Variants in C2orf74 observed in about 807,000 individuals in gnomAD.
C2orf74 encodes uncharacterized protein C2orf74.
In C2orf74, 14 loss-of-function variants were observed where a neutral mutation model predicts 17.9. The observed-to-expected ratio is 0.78, with a 90% CI of 0.52 to 1.22. The LOEUF (loss-of-function observed/expected upper bound fraction) is 1.22, where lower values mean the gene tolerates loss of function less well. Among genes scored for constraint, C2orf74 ranks in the 50% most tolerant of loss-of-function variants. The pLI is 0.00. For synonymous variants in C2orf74, 79 were observed against 72.6 expected (o/e 1.09, Z -0.44); for missense variants, 217 against 218.4 (o/e 0.99, Z 0.04).
chr2:61,146,765 G>A (rs1487899985), intron 1 of C2orf74, among the ~76,000 whole-genome samples: 2 of 152,098 alleles, frequency 1.3e-5, no homozygotes, highest in African/African-American at 2.4e-5. Flanking sequence ...CTTGAACCAG[G>A]GAGTCGGAGG....
chr2:61,158,061 TG>T (rs1399549812), upstream of C2orf74: 6 of 465,836 alleles, frequency 1.3e-5, no homozygotes, highest in African/African-American at 1.2e-4. Context: ...AGGCAATATC[TG>T]ACCCCAACAT....
Position 61,164,593 on chromosome 2 carries a change from C to A in C2orf74, c.*66C>A. On this transcript the variant is annotated 3_prime_UTR_variant, in exon 5 of 5. Transcript: ENST00000432605. ...GACTAACGTTGAAAGACTGAGGGTA[C>A]AAAATCATGTTGAAACAACAAAACA... 8.1e-7 allele frequency: 1 copy of A among 1,234,844 alleles called. No individual in the cohort carries two copies. Among genetic ancestry groups the A allele is most frequent in the African/African-American group, 1.6e-5 (1 of 64,228 alleles). 76.5% of individuals were successfully genotyped at this position (1,234,844 alleles called of 1,614,324 possible).
At chr2:61,159,024 G>A (rs536452301), upstream of C2orf74, among the ~76,000 whole-genome samples, 3 of 152,050 alleles carry the variant, frequency 2.0e-5, no homozygotes, top group East Asian at 1.9e-4. Context: ...TTGAGACGGG[G>A]TCTCACTCTG....
chr2:61,151,172 C>G (rs1685216685), intron 1 of C2orf74, among the ~76,000 whole-genome samples: 1 of 151,350 alleles, frequency 6.6e-6, no homozygotes, highest in Non-Finnish European at 1.5e-5. Flanking sequence ...AATCATTAGC[C>G]AGGTGTGATG....
chr2:61,161,608 T>C (rs980469030), upstream of C2orf74: 1 of 152,254 alleles, frequency 6.6e-6, no homozygotes, highest in Non-Finnish European at 1.5e-5. Context: ...GTAATCCTTT[T>C]AATATGTTGC....
chr2:61,163,333 GGC>G, intron 4 of C2orf74, 101 bp downstream of exon 4: 1 of 1,309,376 alleles, frequency 7.6e-7, no homozygotes, highest in Non-Finnish European at 1.0e-6. Context: ...TGGAGGACCG[GGC>G]GGGTGGCTCA....
In C2orf74 at chr2:61,164,499, A is replaced by G. The variant is rs750934596; in HGVS notation, c.536A>G (p.Tyr179Cys). 6.5e-6 allele frequency: 10 copies of G among 1,543,520 alleles called. No individual in the cohort carries two copies. Among genetic ancestry groups the G allele is most frequent in the Non-Finnish European group, 2.6e-6 (3 of 1,144,252 alleles). The change falls in exon 5 of 5, where the codon TAT becomes TGT. Residue 179 changes from tyrosine (Y) to cysteine (C), a missense_variant. Transcript: ENST00000432605. ...LGNEYPTPRS[Y>C]TREHKERK ...AATGAATACCCTACACCTCGAAGCT[A>G]TACTCGAGAACATAAAGAGAGGAAA...
intron 1 of C2orf74, among the ~76,000 whole-genome samples, chr2:61,157,044 C>A (rs995782739): frequency 6.6e-6 from 1 of 152,060 alleles, no homozygotes; most frequent in Non-Finnish European, 1.5e-5. Flanking sequence ...ATTGACTGAT[C>A]GATTGATTTG....
At chr2:61,154,562 G>C (rs1685339499) in intron 1 of C2orf74, among the ~76,000 whole-genome samples, 1 of 152,154 alleles carries the variant, frequency 6.6e-6, no homozygotes, top group East Asian at 1.9e-4. Context: ...ATTAATAATA[G>C]GGGAAACTGG....
chr2:61,154,044 T>G (rs553903702), intron 1 of C2orf74, among the ~76,000 whole-genome samples: 6 of 151,840 alleles, frequency 4.0e-5, no homozygotes, highest in African/African-American at 1.4e-4. Flanking sequence ...TTCAAGACCA[T>G]CCTGGCTAAC....
At chr2:61,147,893 G>A (rs1312017487) in intron 1 of C2orf74, among the ~76,000 whole-genome samples, 3 of 151,480 alleles carry the variant, frequency 2.0e-5, no homozygotes, top group East Asian at 3.9e-4. Context: ...TCATCCTCCC[G>A]AGTAGCTGGG....
chr2:61,160,104 T>G (rs1050906752), upstream of C2orf74, among the ~76,000 whole-genome samples: 5 of 152,198 alleles, frequency 3.3e-5, no homozygotes, highest in African/African-American at 1.2e-4. Flanking sequence ...TGGCTTACTT[T>G]ACTTAGCATA....
chr2:61,153,093 G>C (rs947293808), intron 1 of C2orf74, among the ~76,000 whole-genome samples: 8 of 150,584 alleles, frequency 5.3e-5, no homozygotes, highest in African/African-American at 2.0e-4. Context: ...CAGAGGTTGG[G>C]GTGAGCCGAG....
At chr2:61,159,174 T>A (rs1275428981), upstream of C2orf74, 1 of 205,608 alleles carries the variant, frequency 4.9e-6, no homozygotes, top group African/African-American at 2.4e-5. Flanking sequence ...TTTTTTGTAT[T>A]TTTAGTAGAG....
chr2:61,153,442 A>G (rs1003699025), intron 1 of C2orf74, among the ~76,000 whole-genome samples: 6 of 151,228 alleles, frequency 4.0e-5, no homozygotes. Flanking sequence ...CACTACGCCT[A>G]GCTAATTTTT....
Position 61,164,599 on chromosome 2 carries a change from C to A in C2orf74, c.*72C>A. ...CGTTGAAAGACTGAGGGTACAAAATCATGTTGAAACAACAAAACAATGGGG... is the reference window on the plus strand; with the variant it reads ...CGTTGAAAGACTGAGGGTACAAAATAATGTTGAAACAACAAAACAATGGGG... On this transcript the variant is annotated 3_prime_UTR_variant, in exon 5 of 5. Coordinates refer to ENST00000432605, the MANE Select transcript of C2orf74 (RefSeq NM_001143959.4). 8.5e-7 allele frequency: 1 copy of A among 1,178,092 alleles called. No homozygotes were observed. Among genetic ancestry groups the A allele is most frequent in the South Asian group, 2.3e-5 (1 of 43,392 alleles). The allele number at this position is 1,178,092 out of a possible 1,614,324, so 73.0% of individuals were successfully genotyped here.
chr2:61,147,648 C>T (rs978144937), intron 1 of C2orf74, among the ~76,000 whole-genome samples: 1 of 152,090 alleles, frequency 6.6e-6, no homozygotes, highest in African/African-American at 2.4e-5. Flanking sequence ...TGAGAAGTAC[C>T]TTTTTTCTAT....
intron 1 of C2orf74, among the ~76,000 whole-genome samples, chr2:61,150,077 A>G (rs1294521089): frequency 6.6e-6 from 1 of 152,170 alleles, no homozygotes; most frequent in South Asian, 2.1e-4. Context: ...TGGTTGATGG[A>G]AGAATACTAT....
chr2:61,147,062 G>A (rs1225089013), intron 1 of C2orf74, among the ~76,000 whole-genome samples: 5 of 151,960 alleles, frequency 3.3e-5, no homozygotes, highest in East Asian at 3.9e-4. Context: ...CCAACTACCC[G>A]GGAGGCTGAG....
Sources: allele counts gnomAD v4.1 joint callset (sites outside exome capture counted in the v4.1 genomes callset), GRCh38; gene constraint gnomAD v4.1.1; transcripts MANE v1.5; gene names NCBI Gene and HGNC (gene_info 2026-07-23, HGNC 2026-07-21).